The following CAPN7 variants were observed in gnomAD, a reference collection of about 807,000 sequenced individuals.
The protein encoded by CAPN7 is calpain-7.
A neutral mutation model predicts 115.2 loss-of-function variants in CAPN7; 72 were observed. The ratio of observed to expected loss-of-function variants is 0.63; its 90% CI spans 0.52 to 0.76. The LOEUF is 0.76. Ranked by LOEUF, CAPN7 falls within the 30% of genes least tolerant of loss-of-function variation. The pLI is 0.00. For synonymous variants in CAPN7, 344 were observed against 322.3 expected, an observed-to-expected ratio of 1.07 and a Z score of -0.72; for missense variants, 905 against 971.5, an observed-to-expected ratio of 0.93 and a Z score of 0.91.
intron 2 of CAPN7, among the ~76,000 whole-genome samples, chr3:15,213,665 A>G (rs1049183687): frequency 1.3e-5 from 2 of 152,164 alleles, no homozygotes; most frequent in Non-Finnish European, 2.9e-5. Flanking sequence ...AATCCTTGTG[A>G]CAATTGGAAA....
At chr3:15,230,644 T>A (rs1383838924) in intron 9 of CAPN7, 109 bp downstream of exon 9, 2 of 671,746 alleles carry the variant, frequency 3.0e-6, no homozygotes, top group Admixed American at 2.4e-5. Context: ...TTTTAAAAGT[T>A]AGAGTCTGTG....
Position 15,251,212 on chromosome 3 carries a change from C to G in CAPN7, c.2394C>G (p.Phe798Leu). ...TGCCTAAACAAGAAGGACCTTTTTT[C>G]TTGGACTTTAATAGTATTATCCCCA... ...TFLPKQEGPF[F>L]LDFNSIIPIK... The change falls in exon 21 of 21, where the codon TTC becomes TTG. Residue 798 changes from phenylalanine to leucine, a missense_variant. By Grantham distance (22) the Phe-to-Leu change is conservative. This residue lies in a region of CAPN7 where 620 missense variants were observed against 703.4 expected (regional missense o/e 0.88). Coordinates refer to ENST00000253693, the MANE Select transcript of CAPN7 (RefSeq NM_014296.3). 1 of 1,610,316 alleles carries G rather than the reference C, an allele frequency of 6.2e-7. No individual in the cohort carries two copies. Among genetic ancestry groups the G allele is most frequent in the African/African-American group, 1.3e-5 (1 of 74,774 alleles).
rs1246483022 is a variant in CAPN7 at position 15,245,690 on chromosome 3, C to A, written c.2010+19C>A. 2.5e-6 allele frequency: 4 copies of A among 1,606,716 alleles called. No homozygotes were observed. The highest frequency in any genetic ancestry group is 3.4e-6 in the Non-Finnish European group (4 of 1,176,298). The stretch of plus-strand genomic sequence containing the variant: ...GGTTCGGGTAAGTAAAACCAACACA[C>A]AATGACAAAACACAGTAATATAAAG... On this transcript the variant is annotated intron_variant, in intron 17 of 20. Transcript: ENST00000253693.
At chr3:15,246,646 T>C in intron 17 of CAPN7, 86 bp from the exon 18 acceptor site, 1 of 982,240 alleles carries the variant, frequency 1.0e-6, no homozygotes, top group East Asian at 2.5e-5. Flanking sequence ...GCCAACTGAT[T>C]TTTTTAGTCT....
rs1230649691 is a variant in CAPN7, at chr3:15,245,611, T to C, written c.1950T>C (p.His650=). ...TAAAGCTGACCACACCTGGCACCCATACCTTTACATTAGTGGTTTCTCAAT... is the reference window on the plus strand; with the variant it reads ...TAAAGCTGACCACACCTGGCACCCACACCTTTACATTAGTGGTTTCTCAAT... The part of the protein sequence containing the change: ...TKIKLTTPGT[H]TFTLVVSQYE... Residue 650 remains histidine (H), a synonymous_variant, in exon 17 of 21, where the codon CAT becomes CAC. Transcript: ENST00000253693. 2 of 1,613,988 alleles carry C rather than the reference T, an allele frequency of 1.2e-6. No homozygotes were observed. Among genetic ancestry groups the C allele is most frequent in the Admixed American group, 3.3e-5 (2 of 60,010 alleles).
In CAPN7 at chr3:15,251,176, T is replaced by A; in HGVS notation, c.2358T>A (p.Pro786=). 1 of 1,608,004 alleles carries A rather than the reference T, an allele frequency of 6.2e-7. No homozygotes were observed. Among genetic ancestry groups the A allele is most frequent in the Admixed American group, 1.7e-5 (1 of 59,812 alleles). Residue 786 remains proline, a synonymous_variant, in exon 21 of 21, where the codon CCT becomes CCA. Coordinates refer to ENST00000253693, the MANE Select transcript of CAPN7 (RefSeq NM_014296.3). ...CTTCTGGGATCTTCAATATCATTCCTAGTACCTTTTTGCCTAAACAAGAAG... is the reference window on the plus strand; with the variant it reads ...CTTCTGGGATCTTCAATATCATTCCAAGTACCTTTTTGCCTAAACAAGAAG... ...NIPSGIFNII[P]STFLPKQEGP... is the part of the protein sequence containing the mutation.
At position 15,241,526 on chromosome 3, in the gene CAPN7, G is replaced by T; in HGVS notation, c.1726G>T (p.Val576Leu). The T allele has an allele frequency of 6.2e-7, 1 of 1,614,150 alleles. No homozygotes were observed. Among genetic ancestry groups the T allele is most frequent in the Non-Finnish European group, 8.5e-7 (1 of 1,180,008 alleles). Residue 576 changes from valine (V) to leucine (L), a missense_variant, in exon 15 of 21, where the codon GTG (valine) becomes TTG (leucine). Around this residue, in one of 3 missense-constraint regions of CAPN7, gnomAD observed 620 missense variants for 703.4 expected, o/e 0.88. Coordinates refer to ENST00000253693, the MANE Select transcript of CAPN7 (RefSeq NM_014296.3). ...CAACAACCCCCAGTACAAACTGGAG[G>T]TGCAGTGTCCACAGGGGGGTGCTGC... ...LANNPQYKLE[V>L]QCPQGGAAVW...
At chr3:15,234,083 A>G (rs377600532) in intron 11 of CAPN7, 110 bp downstream of exon 11, 1 of 575,324 alleles carries the variant, frequency 1.7e-6, no homozygotes, top group Non-Finnish European at 3.0e-6. Flanking sequence ...TGGGAGGCCA[A>G]GGCAGGCAGA....
rs532604903 is a variant in CAPN7, at chr3:15,243,853, G to A, written c.1864+1600G>A. On this transcript the variant is annotated intron_variant, in intron 16 of 20. Coordinates refer to ENST00000253693, the MANE Select transcript of CAPN7 (RefSeq NM_014296.3). ...TAACTATTGGGTCCTGGCTTAATAC[G>A]TGGGTGATGAAATAATATGCACAAC... is the stretch of plus-strand genomic sequence containing the variant. 6.6e-5 allele frequency among the ~76,000 whole-genome samples: 10 copies of A among 152,266 alleles called. No homozygotes were observed. In the South Asian group the frequency reaches 1.5e-3, roughly 22 times the overall value.
At chr3:15,239,150 A>C (rs1388918006) in intron 12 of CAPN7, among the ~76,000 whole-genome samples, 1 of 152,212 alleles carries the variant, frequency 6.6e-6, no homozygotes, top group South Asian at 2.1e-4. Context: ...AAGAAACTGT[A>C]TTAATGAAGC....
At position 15,242,119 on chromosome 3, in the gene CAPN7, G is replaced by T. The variant is rs537541166; in HGVS notation, c.1789-59G>T. On this transcript the variant is annotated intron_variant, in intron 15 of 20. Coordinates refer to ENST00000253693, the MANE Select transcript of CAPN7 (RefSeq NM_014296.3). ...GCATTTTTTTGGAGAGATTTAAAAA[G>T]AAAATAAATAGCATTTTGAACCCAT... is the stretch of plus-strand genomic sequence containing the variant. The T allele has an allele frequency of 8.3e-4, 918 of 1,112,176 alleles. 12 individuals are homozygous for T. In the South Asian group the frequency reaches 0.012, roughly 15 times the overall value. 68.9% of individuals were successfully genotyped at this position (1,112,176 alleles called of 1,614,324 possible).
At chr3:15,210,981 C>A in intron 1 of CAPN7, 1 of 1,108,776 alleles carries the variant, frequency 9.0e-7, no homozygotes, top group Non-Finnish European at 1.1e-6. Flanking sequence ...TGGTAACCTT[C>A]CTGGAATGGT....
intron 6 of CAPN7, among the ~76,000 whole-genome samples, chr3:15,226,311 T>G (rs1488650886): frequency 2.6e-5 from 4 of 152,004 alleles, no homozygotes; most frequent in African/African-American, 9.7e-5. Context: ...TGACCTCAAG[T>G]GATCCGCCCG....
Position 15,235,013 on chromosome 3 carries a change from G to T in CAPN7, c.1287-12G>T. On this transcript the variant is annotated splice_polypyrimidine_tract_variant and intron_variant, in intron 11 of 20. Coordinates refer to ENST00000253693, the MANE Select transcript of CAPN7 (RefSeq NM_014296.3). ...TTTTACTTTAATTAATTGTCTTTGG[G>T]GTTCATTCCAGATTTCACAAAGGAG... 1 of 1,597,312 alleles carries T rather than the reference G, an allele frequency of 6.3e-7. No individual in the cohort carries two copies.
chr3:15,250,229 TAGAC>T (rs1175998258), intron 19 of CAPN7, among the ~76,000 whole-genome samples: 3 of 150,628 alleles, frequency 2.0e-5, no homozygotes, highest in Non-Finnish European at 4.4e-5. Flanking sequence ...TTTAAGAAAT[TAGAC>T]AGATATGGTG....
At chr3:15,224,074 A>G (rs565029807) in intron 6 of CAPN7, among the ~76,000 whole-genome samples, 64 of 152,346 alleles carry the variant, frequency 4.2e-4, no homozygotes, top group African/African-American at 1.4e-3. Flanking sequence ...TCAAAGATGT[A>G]CATAATAAGG....
chr3:15,212,043 G>T, intron 1 of CAPN7, 61 bp from the exon 2 acceptor site: 1 of 939,632 alleles, frequency 1.1e-6, no homozygotes. Context: ...ATGAGAATGT[G>T]ATAAAGAAAA....
At chr3:15,214,923 A>G (rs1391587696) in intron 2 of CAPN7, among the ~76,000 whole-genome samples, 1 of 152,198 alleles carries the variant, frequency 6.6e-6, no homozygotes, top group East Asian at 1.9e-4. Context: ...GTGGCAAGGA[A>G]TATGCTTCTG....
intron 5 of CAPN7, among the ~76,000 whole-genome samples, chr3:15,221,504 A>ATATTT (rs1430918416): frequency 6.6e-6 from 1 of 151,934 alleles, no homozygotes; most frequent in East Asian, 1.9e-4. Context: ...TAGTTCCAGT[A>ATATTT]TATTTTAATA....
Sources: allele counts gnomAD v4.1 joint callset (sites outside exome capture counted in the v4.1 genomes callset), GRCh38; gene constraint gnomAD v4.1.1; regional missense constraint gnomAD v4.1.1; transcripts MANE v1.5; gene names NCBI Gene and HGNC (gene_info 2026-07-23, HGNC 2026-07-21).